Variants in SMCO2 observed in about 807,000 individuals in gnomAD.
SMCO2 encodes single-pass membrane and coiled-coil domain-containing protein 2.
A neutral mutation model predicts 29.5 loss-of-function variants in SMCO2; 25 were observed. The ratio of observed to expected loss-of-function variants is 0.85; its 90% CI spans 0.62 to 1.18. The LOEUF is 1.18. Ranked by LOEUF, SMCO2 falls within the 50% of genes most tolerant of loss-of-function variation. SMCO2 has a pLI of 0.00. For missense variants in SMCO2, 348 were observed against 344.5 expected (o/e 1.01, Z -0.08); for synonymous variants, 117 against 123.3 (o/e 0.95, Z 0.34).
intron 4 of SMCO2, among the ~76,000 whole-genome samples, chr12:27,480,646 C>T (rs1435359613): frequency 1.3e-5 from 2 of 152,004 alleles, no homozygotes; most frequent in African/African-American, 4.8e-5. Flanking sequence ...ATAATGAGTG[C>T]GTTCTTGATC....
At chr12:27,444,445 T>A in the SMCO2 span, among the ~76,000 whole-genome samples, 1 of 152,196 alleles carries the variant, frequency 6.6e-6, no homozygotes, top group Non-Finnish European at 1.5e-5. Flanking sequence ...GGCAAAGATT[T>A]CTTGTGTAAG....
intron 6 of SMCO2, 53 bp downstream of exon 7, chr12:27,494,409 C>A: frequency 1.5e-6 from 2 of 1,320,652 alleles, no homozygotes; most frequent in Non-Finnish European, 2.1e-6. Context: ...TAATTTATGT[C>A]TAAATACAGG....
chr12:27,470,242 C>A (rs1419189784), intron 1 of SMCO2, among the ~76,000 whole-genome samples: 1 of 152,090 alleles, frequency 6.6e-6, no homozygotes, highest in Admixed American at 6.6e-5. Context: ...AATGATTTTA[C>A]TTTTTTCTTT....
At position 27,475,578 on chromosome 12, in the gene SMCO2, G is replaced by A. The variant is rs750674978; in HGVS notation, c.362+665G>A. The A allele has an allele frequency of 7.9e-5, 120 of 1,518,292 alleles. No individual in the cohort carries two copies. The highest frequency in any genetic ancestry group is 9.9e-5 in the Non-Finnish European group (113 of 1,136,572). The allele number at this position is 1,518,292 out of a possible 1,614,324, so 94.1% of individuals were successfully genotyped here. ...TGAAAATGATCACCATAATATTTCC[G>A]CAGGTGTCTGAAGGGCATGTTCCTC... On this transcript the variant is annotated intron_variant, in intron 4 of 7. Coordinates refer to ENST00000298876, the Ensembl canonical transcript of SMCO2.
At chr12:27,484,851 CAAAAAAAAA>C (rs35818629) in intron 4 of SMCO2, among the ~76,000 whole-genome samples, 1 of 73,000 alleles carries the variant, frequency 1.4e-5, no homozygotes, top group Admixed American at 1.8e-4. Flanking sequence ...GACTCCATCT[CAAAAAAAAA>C]AAAAAAAAAA....
the SMCO2 span, among the ~76,000 whole-genome samples, chr12:27,437,131 T>C: frequency 6.6e-6 from 1 of 152,134 alleles, no homozygotes; most frequent in Non-Finnish European, 1.5e-5. Context: ...TGGGGCTGGG[T>C]GCATTATCTC....
intron 7 of SMCO2, among the ~76,000 whole-genome samples, chr12:27,501,387 G>C (rs1943073441): frequency 8.0e-6 from 1 of 124,572 alleles, no homozygotes; most frequent in Non-Finnish European, 1.6e-5. Context: ...CTGCAGTCCA[G>C]CTTGGGCGAA....
intron 3 of SMCO2, among the ~76,000 whole-genome samples, chr12:27,473,684 T>C (rs956049224): frequency 1.3e-5 from 2 of 152,168 alleles, no homozygotes; most frequent in Non-Finnish European, 2.9e-5. Flanking sequence ...GTTACATGAA[T>C]GTTAGTTATT....
At chr12:27,487,880 C>G (rs1032827460) in intron 4 of SMCO2, among the ~76,000 whole-genome samples, 9 of 150,864 alleles carry the variant, frequency 6.0e-5, no homozygotes, top group Admixed American at 5.3e-4. Flanking sequence ...ATCTATATAG[C>G]CTCTTGGTGA....
chr12:27,453,474 T>C, the SMCO2 span, among the ~76,000 whole-genome samples: 1 of 152,208 alleles, frequency 6.6e-6, no homozygotes, highest in Admixed American at 6.5e-5. Context: ...AACTGTCACA[T>C]ATGCTCAGAC....
the SMCO2 span, among the ~76,000 whole-genome samples, chr12:27,437,018 C>T: frequency 2.0e-5 from 3 of 152,168 alleles, no homozygotes; most frequent in Non-Finnish European, 4.4e-5. Context: ...GTGGTTGGGA[C>T]TACACATTGT....
In SMCO2 at chr12:27,472,757, T is replaced by A; in HGVS notation, c.135-19T>A. The A allele has an allele frequency of 1.9e-6, 3 of 1,545,400 alleles. No individual in the cohort carries two copies. Among genetic ancestry groups the A allele is most frequent in the Non-Finnish European group, 1.8e-6 (2 of 1,142,240 alleles). On this transcript the variant is annotated intron_variant, in intron 2 of 7. Transcript: ENST00000298876. ...CAAAGGCATAATAACAGCCTCTGTT[T>A]GGATTGTGTGGCTTGCAGTTTGCTA...
chr12:27,492,457 G>C (rs928719091), intron 5 of SMCO2, among the ~76,000 whole-genome samples: 7 of 152,156 alleles, frequency 4.6e-5, no homozygotes, highest in Non-Finnish European at 8.8e-5. Context: ...CAGCACTTTG[G>C]GGGGCCAAGA....
chr12:27,485,452 T>G (rs1040249457), intron 4 of SMCO2, among the ~76,000 whole-genome samples: 3 of 104,504 alleles, frequency 2.9e-5, no homozygotes, highest in African/African-American at 8.5e-5. Flanking sequence ...TTTTTTAAGT[T>G]TTTTTTTTTT....
At chr12:27,430,868 A>C in the SMCO2 span, among the ~76,000 whole-genome samples, 2 of 152,086 alleles carry the variant, frequency 1.3e-5, no homozygotes, top group African/African-American at 4.8e-5. Context: ...TGGAGTTAGA[A>C]TCCAGACCCG....
the SMCO2 span, among the ~76,000 whole-genome samples, chr12:27,441,817 A>C: frequency 6.6e-6 from 1 of 152,206 alleles, no homozygotes; most frequent in African/African-American, 2.4e-5. Flanking sequence ...AATAGACCAT[A>C]TCTTAGGTCT....
intron 4 of SMCO2, among the ~76,000 whole-genome samples, chr12:27,487,396 T>C (rs1404426490): frequency 6.6e-6 from 1 of 152,210 alleles, no homozygotes; most frequent in African/African-American, 2.4e-5. Flanking sequence ...TTCGCATGTA[T>C]TGATCTTTCC....
At chr12:27,447,180 G>A in the SMCO2 span, among the ~76,000 whole-genome samples, 295 of 152,228 alleles carry the variant, frequency 1.9e-3, 1 homozygote, top group Admixed American at 4.1e-3. Context: ...ATGGGGCCCT[G>A]TATGATGGGT....
At chr12:27,478,239 G>C (rs532201708) in intron 4 of SMCO2, among the ~76,000 whole-genome samples, 1 of 152,318 alleles carries the variant, frequency 6.6e-6, no homozygotes, top group East Asian at 1.9e-4. Context: ...TGTGGAGGCT[G>C]TGGCAAACTT....
Sources: allele counts gnomAD v4.1 joint callset (sites outside exome capture counted in the v4.1 genomes callset), GRCh38; gene constraint gnomAD v4.1.1; transcripts MANE v1.5; gene names NCBI Gene and HGNC (gene_info 2026-07-23, HGNC 2026-07-21).